RAB31: variants seen among roughly 807,000 people sequenced by gnomAD.
RAB31 encodes the protein ras-related protein Rab-31.
A neutral mutation model predicts 25.6 loss-of-function variants in RAB31; 21 were observed. The ratio of observed to expected loss-of-function variants is 0.82; its 90% CI spans 0.58 to 1.18. RAB31 has a LOEUF of 1.18. RAB31 is among the 50% of genes most tolerant of loss of function. The probability of loss-of-function intolerance (pLI) is 0.00; values close to 1 mark genes in which losing one functional copy is unlikely to be tolerated. For missense variants in RAB31, 196 were observed against 250.1 expected (o/e 0.78, Z 1.46); for synonymous variants, 87 against 84.0 (o/e 1.04, Z -0.20).
At chr18:9,768,433 G>T (rs978457124) in intron 1 of RAB31, among the ~76,000 whole-genome samples, 2 of 152,150 alleles carry the variant, frequency 1.3e-5, no homozygotes, top group African/African-American at 4.8e-5. Flanking sequence ...GTTTTGATTT[G>T]CATTTCTCTA....
At chr18:9,733,151 G>A (rs1264676410) in intron 1 of RAB31, among the ~76,000 whole-genome samples, 1 of 152,206 alleles carries the variant, frequency 6.6e-6, no homozygotes, top group Non-Finnish European at 1.5e-5. Context: ...TTTGGTTTGA[G>A]TGGGATCACT....
intron 5 of RAB31, among the ~76,000 whole-genome samples, chr18:9,838,163 A>G (rs769756781): frequency 1.1e-4 from 16 of 152,180 alleles, no homozygotes; most frequent in Non-Finnish European, 1.5e-4. Context: ...TAAAATGTCC[A>G]CCCAGCCTGG....
intron 1 of RAB31, among the ~76,000 whole-genome samples, chr18:9,717,628 G>A (rs183500705): frequency 5.3e-5 from 8 of 152,082 alleles, no homozygotes; most frequent in South Asian, 2.1e-4. Flanking sequence ...ATAATGTGTC[G>A]CTCTGGGAGG....
At chr18:9,774,793 TC>T in intron 1 of RAB31, 1 of 504,940 alleles carries the variant, frequency 2.0e-6, no homozygotes, top group Non-Finnish European at 3.9e-6. Context: ...TACCCAACCA[TC>T]AGATTCTACA....
chr18:9,807,093 GGCTGC>G (rs1568184113), intron 3 of RAB31, among the ~76,000 whole-genome samples: 1 of 152,304 alleles, frequency 6.6e-6, no homozygotes, highest in East Asian at 1.9e-4. Context: ...AGGGAGGTGC[GGCTGC>G]GTGAGAGCTG....
intron 5 of RAB31, among the ~76,000 whole-genome samples, chr18:9,832,075 C>G (rs1398545349): frequency 6.6e-6 from 1 of 152,166 alleles, no homozygotes; most frequent in Non-Finnish European, 1.5e-5. Flanking sequence ...GTGGATACGC[C>G]GAGCGATCTG....
Position 9,861,206 on chromosome 18 carries a change from C to G in RAB31, c.*1881C>G, listed in dbSNP as rs990916430. On this transcript the variant is annotated 3_prime_UTR_variant, in exon 7 of 7. Coordinates refer to ENST00000578921, the MANE Select transcript of RAB31 (RefSeq NM_006868.4). ...TTCCTCATCCAGTTTTCCCTGAGAA[C>G]CTGGGTTTATCTCTAGATAGCTGTT... 2 of 151,872 alleles carry G rather than the reference C, an allele frequency of 1.3e-5. No homozygotes were observed. The highest frequency in any genetic ancestry group is 1.3e-4 in the Admixed American group (2 of 15,252). 9.4% of individuals were successfully genotyped at this position (151,872 alleles called of 1,614,324 possible).
chr18:9,800,339 G>A (rs577535520), intron 3 of RAB31, among the ~76,000 whole-genome samples: 3 of 151,820 alleles, frequency 2.0e-5, no homozygotes, highest in Non-Finnish European at 2.9e-5. Context: ...TTTTTCCACC[G>A]TGCTATACTT....
chr18:9,748,974 G>A (rs1045939070), intron 1 of RAB31, among the ~76,000 whole-genome samples: 12 of 152,196 alleles, frequency 7.9e-5, no homozygotes, highest in African/African-American at 2.9e-4. Context: ...AGACTGGAAA[G>A]TGAAGGCTTC....
At chr18:9,857,470 G>T (rs1461998699) in intron 6 of RAB31, among the ~76,000 whole-genome samples, 1 of 151,660 alleles carries the variant, frequency 6.6e-6, no homozygotes, top group Non-Finnish European at 1.5e-5. Context: ...GGTTTTCTTA[G>T]ACTGTACTGT....
chr18:9,835,597 G>A (rs1224191939), intron 5 of RAB31, among the ~76,000 whole-genome samples: 2 of 152,234 alleles, frequency 1.3e-5, no homozygotes, highest in Non-Finnish European at 2.9e-5. Flanking sequence ...TATTAAGTAG[G>A]TGAGGCCCCT....
rs901019780 is a variant in RAB31, at chr18:9,827,379, A to G, written c.380+12157A>G. On this transcript the variant is annotated intron_variant, in intron 5 of 6. Coordinates refer to ENST00000578921, the MANE Select transcript of RAB31 (RefSeq NM_006868.4). ...GGGAAGTTACCCAACAACAGTGACGATGGGGGCTGGGTTGGGAAGTGGGAG... is the reference window on the plus strand; with the variant it reads ...GGGAAGTTACCCAACAACAGTGACGGTGGGGGCTGGGTTGGGAAGTGGGAG... Among the ~76,000 whole-genome samples the G allele has an allele frequency of 3.3e-5, 5 of 152,084 alleles. No homozygotes were observed. In the East Asian group the frequency reaches 5.8e-4, roughly 18 times the overall value.
At chr18:9,720,884 T>C (rs537111620) in intron 1 of RAB31, among the ~76,000 whole-genome samples, 2 of 152,084 alleles carry the variant, frequency 1.3e-5, no homozygotes, top group Non-Finnish European at 2.9e-5. Flanking sequence ...GTCTTGCAGT[T>C]TGAGTTTATA....
intron 1 of RAB31, among the ~76,000 whole-genome samples, chr18:9,771,489 T>C (rs550079735): frequency 6.6e-6 from 1 of 152,364 alleles, no homozygotes; most frequent in African/African-American, 2.4e-5. Flanking sequence ...GGCTTCATTC[T>C]CTTTTCTGAG....
chr18:9,777,311 C>T (rs935301051), intron 2 of RAB31, among the ~76,000 whole-genome samples: 12 of 152,132 alleles, frequency 7.9e-5, no homozygotes, highest in Non-Finnish European at 1.5e-4. Context: ...GGCAACAGAG[C>T]GAGACTTCAT....
chr18:9,749,148 T>TCCACACGTA (rs1470776563), intron 1 of RAB31, among the ~76,000 whole-genome samples: 2 of 152,218 alleles, frequency 1.3e-5, no homozygotes, highest in Non-Finnish European at 2.9e-5. Flanking sequence ...TGAAGCCTTT[T>TCCACACGTA]CCACACGTAT....
intron 2 of RAB31, among the ~76,000 whole-genome samples, chr18:9,778,688 C>T (rs2068386399): frequency 6.6e-6 from 1 of 152,120 alleles, no homozygotes; most frequent in South Asian, 2.1e-4. Flanking sequence ...CCAGGCTGGT[C>T]TTGAACTCCT....
At chr18:9,774,907 T>C (rs2068364084) in intron 1 of RAB31, 1 of 521,762 alleles carries the variant, frequency 1.9e-6, no homozygotes, top group East Asian at 5.4e-5. Flanking sequence ...TTGAACAGAA[T>C]GAATTCTGTT....
intron 3 of RAB31, 44 bp downstream of exon 3, chr18:9,792,279 A>G (rs2068464630): frequency 2.5e-6 from 4 of 1,573,274 alleles, no homozygotes; most frequent in Non-Finnish European, 3.5e-6. Context: ...TCCAGTGAAA[A>G]TAAGATCAGT....
Sources: allele counts gnomAD v4.1 joint callset (sites outside exome capture counted in the v4.1 genomes callset), GRCh38; gene constraint gnomAD v4.1.1; transcripts MANE v1.5; gene names NCBI Gene and HGNC (gene_info 2026-07-23, HGNC 2026-07-21).